NTM: variants seen among roughly 807,000 people sequenced by gnomAD.
NTM encodes the protein IgLON family member 2.
A neutral mutation model predicts 42.1 loss-of-function variants in NTM; 13 were observed. The ratio of observed to expected loss-of-function variants is 0.31; its 90% CI spans 0.20 to 0.49. The LOEUF is 0.49. Ranked by LOEUF, NTM falls within the 20% of genes least tolerant of loss-of-function variation. The probability of loss-of-function intolerance (pLI) is 0.99; values close to 1 mark genes in which losing one functional copy is unlikely to be tolerated. For missense variants in NTM, 373 were observed against 452.8 expected (o/e 0.82, Z 1.60); for synonymous variants, 187 against 179.2 (o/e 1.04, Z -0.35).
intron 1 of NTM, among the ~76,000 whole-genome samples, chr11:131,867,041 C>T (rs1006695116): frequency 6.6e-6 from 1 of 152,106 alleles, no homozygotes; most frequent in Non-Finnish European, 1.5e-5. Flanking sequence ...GCCTCTTGGA[C>T]TAGGGGAGGG....
chr11:132,209,080 A>G (rs2082428012), intron 3 of NTM, among the ~76,000 whole-genome samples: 2 of 152,300 alleles, frequency 1.3e-5, no homozygotes, highest in East Asian at 1.9e-4. Flanking sequence ...GGAATGCTCT[A>G]GTTAAAACTC....
intron 2 of NTM, among the ~76,000 whole-genome samples, chr11:132,099,837 C>G (rs1437434722): frequency 1.3e-5 from 2 of 152,192 alleles, no homozygotes; most frequent in African/African-American, 4.8e-5. Flanking sequence ...GGTTTGAACG[C>G]CTCACTGCAT....
At chr11:131,548,254 A>G (rs2054195369) in intron 1 of NTM, among the ~76,000 whole-genome samples, 1 of 152,114 alleles carries the variant, frequency 6.6e-6, no homozygotes, top group South Asian at 2.1e-4. Context: ...GGCCACAAGC[A>G]TGTTTTGCCT....
At chr11:132,173,349 G>C (rs1285264218) in intron 3 of NTM, among the ~76,000 whole-genome samples, 1 of 152,184 alleles carries the variant, frequency 6.6e-6, no homozygotes, top group Non-Finnish European at 1.5e-5. Flanking sequence ...TTGTCCATGA[G>C]TGTGCAGCGA....
intron 4 of NTM, among the ~76,000 whole-genome samples, chr11:132,221,824 G>T (rs990629203): frequency 6.6e-6 from 1 of 152,140 alleles, no homozygotes; most frequent in African/African-American, 2.4e-5. Flanking sequence ...GCAGGAGAAG[G>T]AATTTGCCCA....
chr11:131,668,035 C>T (rs990365507), intron 1 of NTM, among the ~76,000 whole-genome samples: 3 of 152,180 alleles, frequency 2.0e-5, no homozygotes, highest in Admixed American at 1.3e-4. Flanking sequence ...TAGCTTTTGT[C>T]GTTCCTATTT....
chr11:132,173,310 C>A (rs2076353500), intron 3 of NTM, among the ~76,000 whole-genome samples: 1 of 152,170 alleles, frequency 6.6e-6, no homozygotes, highest in Admixed American at 6.5e-5. Context: ...ACTAATAAAT[C>A]AAACCCAGAA....
At chr11:132,186,993 G>C (rs1198084847) in intron 3 of NTM, among the ~76,000 whole-genome samples, 1 of 152,134 alleles carries the variant, frequency 6.6e-6, no homozygotes. Flanking sequence ...CCTTGACTCC[G>C]TGTCTAGGAG....
chr11:131,519,385 G>A (rs1282601838), intron 1 of NTM, among the ~76,000 whole-genome samples: 2 of 151,142 alleles, frequency 1.3e-5, no homozygotes, highest in African/African-American at 4.9e-5. Flanking sequence ...GCTTGTTAGG[G>A]AGCTGTGGAG....
chr11:132,027,533 T>C (rs1448834507), intron 2 of NTM, among the ~76,000 whole-genome samples: 1 of 152,208 alleles, frequency 6.6e-6, no homozygotes, highest in African/African-American at 2.4e-5. Flanking sequence ...GATTGGTGGT[T>C]CTTTAGTTTT....
At position 132,275,489 on chromosome 11, in the gene NTM, C is replaced by T. The variant is rs1165728554; in HGVS notation, c.527-32200C>T. On this transcript the variant is annotated intron_variant, in intron 4 of 8. Coordinates refer to ENST00000683400, the MANE Select transcript of NTM (RefSeq NM_001352005.2). Reference sequence around the variant, plus strand: ...GTATGAATTCTCCAATTTGATTTCTCTTTTTTTTCATTTTTTGAAATGAAT... The same window carrying T: ...GTATGAATTCTCCAATTTGATTTCTTTTTTTTTTCATTTTTTGAAATGAAT... Among the ~76,000 whole-genome samples, 3 of 151,016 alleles carry T rather than the reference C, an allele frequency of 2.0e-5. No homozygotes were observed. In the East Asian group the frequency reaches 5.8e-4, roughly 29 times the overall value.
intron 2 of NTM, among the ~76,000 whole-genome samples, chr11:131,938,358 T>C (rs1328935428): frequency 6.6e-6 from 1 of 152,042 alleles, no homozygotes; most frequent in East Asian, 1.9e-4. Flanking sequence ...AGAATTCTAA[T>C]GAGAGGGAAA....
intron 2 of NTM, among the ~76,000 whole-genome samples, chr11:132,090,900 T>C (rs2060295343): frequency 6.6e-6 from 1 of 152,184 alleles, no homozygotes; most frequent in Admixed American, 6.5e-5. Context: ...CACAAATTCA[T>C]GATCTCTCAC....
intron 2 of NTM, among the ~76,000 whole-genome samples, chr11:131,998,251 G>C (rs2068459320): frequency 6.6e-6 from 1 of 152,150 alleles, no homozygotes; most frequent in Admixed American, 6.5e-5. Context: ...CTGCTTTTAT[G>C]GGGACTCGTA....
intron 1 of NTM, chr11:131,769,601 C>G (rs1264384135): frequency 1.0e-6 from 1 of 982,256 alleles, no homozygotes; most frequent in Admixed American, 6.2e-5. Flanking sequence ...TAATGCTGTC[C>G]TGCATGAGCT....
At chr11:132,104,929 ATACATATG>A (rs1166922246) in intron 2 of NTM, among the ~76,000 whole-genome samples, 1 of 85,316 alleles carries the variant, frequency 1.2e-5, no homozygotes, top group Non-Finnish European at 2.2e-5. Flanking sequence ...CTCTCCATAT[ATACATATG>A]TATATATATA....
intron 3 of NTM, among the ~76,000 whole-genome samples, chr11:132,153,595 A>G (rs1236453201): frequency 6.6e-6 from 1 of 152,208 alleles, no homozygotes; most frequent in Non-Finnish European, 1.5e-5. Flanking sequence ...TAGACACTCA[A>G]AAGACCCAAA....
intron 2 of NTM, among the ~76,000 whole-genome samples, chr11:131,982,069 C>T (rs2065330153): frequency 6.6e-6 from 1 of 151,630 alleles, no homozygotes; most frequent in Admixed American, 6.6e-5. Flanking sequence ...CAGAAAACAA[C>T]ACAACAAAAA....
chr11:131,706,055 A>G (rs1217168108), intron 1 of NTM, among the ~76,000 whole-genome samples: 1 of 152,116 alleles, frequency 6.6e-6, no homozygotes, highest in Non-Finnish European at 1.5e-5. Context: ...AACAAATTAT[A>G]AAAGAAGATC....
Sources: allele counts gnomAD v4.1 joint callset (sites outside exome capture counted in the v4.1 genomes callset), GRCh38; gene constraint gnomAD v4.1.1; transcripts MANE v1.5; gene names NCBI Gene and HGNC (gene_info 2026-07-23, HGNC 2026-07-21).